LHFPL3: variants seen among roughly 807,000 people sequenced by gnomAD.
The protein encoded by LHFPL3 is LHFPL tetraspan subfamily member 3 protein.
LHFPL3 carries 5 observed loss-of-function variants against 19.3 expected under a neutral mutation model. The ratio of observed to expected loss-of-function variants is 0.26; its 90% CI spans 0.14 to 0.54. The LOEUF (loss-of-function observed/expected upper bound fraction) is 0.54. LHFPL3 is among the 20% of genes least tolerant of loss of function. The pLI, the probability that LHFPL3 is intolerant of heterozygous loss-of-function variation, is 0.94. For missense variants in LHFPL3, 249 were observed against 307.4 expected, an observed-to-expected ratio of 0.81 and a Z score of 1.42; for synonymous variants, 133 against 126.2, an observed-to-expected ratio of 1.05 and a Z score of -0.36.
intron 1 of LHFPL3, among the ~76,000 whole-genome samples, chr7:104,433,389 G>T (rs1433944538): frequency 6.6e-6 from 1 of 152,154 alleles, no homozygotes; most frequent in Admixed American, 6.5e-5. Context: ...GGGCTCTCTG[G>T]AGTCCACTTT....
At chr7:104,666,509 A>ATTTT (rs1315147894) in intron 1 of LHFPL3, among the ~76,000 whole-genome samples, 3 of 44,158 alleles carry the variant, frequency 6.8e-5, no homozygotes, top group Non-Finnish European at 1.4e-4. Flanking sequence ...ACAGGATTTC[A>ATTTT]TTCTTTTTTT....
At chr7:104,756,581 C>G (rs1192068460) in intron 2 of LHFPL3, among the ~76,000 whole-genome samples, 2 of 152,162 alleles carry the variant, frequency 1.3e-5, no homozygotes, top group African/African-American at 4.8e-5. Context: ...CTCACTGCAA[C>G]CTCCACCTCC....
intron 1 of LHFPL3, among the ~76,000 whole-genome samples, chr7:104,578,321 C>T (rs897236332): frequency 3.3e-5 from 5 of 152,168 alleles, no homozygotes; most frequent in Non-Finnish European, 7.3e-5. Flanking sequence ...TTTTCCATCC[C>T]TCTTCAGGAG....
chr7:104,329,328 A>C, intron 1 of LHFPL3, 104 bp downstream of exon 1: 2 of 1,417,842 alleles, frequency 1.4e-6, no homozygotes, highest in Non-Finnish European at 1.9e-6. Flanking sequence ...GCTGCGAGCC[A>C]AGCCGCCTAA....
At chr7:104,409,098 G>A (rs1791482966) in intron 1 of LHFPL3, among the ~76,000 whole-genome samples, 1 of 149,888 alleles carries the variant, frequency 6.7e-6, no homozygotes, top group Admixed American at 6.7e-5. Flanking sequence ...AGATGGTCTC[G>A]GTCTCCTGGC....
chr7:104,901,485 G>C (rs774026737), intron 2 of LHFPL3, among the ~76,000 whole-genome samples: 1 of 152,176 alleles, frequency 6.6e-6, no homozygotes, highest in Non-Finnish European at 1.5e-5. Flanking sequence ...CACGCCTTCT[G>C]ATGAGCAGCA....
At chr7:104,721,098 T>C (rs907352811) in intron 1 of LHFPL3, among the ~76,000 whole-genome samples, 1 of 152,220 alleles carries the variant, frequency 6.6e-6, no homozygotes, top group Non-Finnish European at 1.5e-5. Context: ...TGTATATTTA[T>C]TGTGGCACTA....
intron 1 of LHFPL3, among the ~76,000 whole-genome samples, chr7:104,428,116 G>A (rs41474048): frequency 6.6e-6 from 1 of 152,212 alleles, no homozygotes. Context: ...CAGCCACTTA[G>A]AACATATTCA....
intron 1 of LHFPL3, among the ~76,000 whole-genome samples, chr7:104,726,337 T>TA (rs1793592073): frequency 1.3e-5 from 2 of 151,262 alleles, no homozygotes; most frequent in African/African-American, 2.4e-5. Context: ...AAAGACTATT[T>TA]TTTTTTTTTA....
intron 1 of LHFPL3, among the ~76,000 whole-genome samples, chr7:104,647,237 G>A (rs1791950883): frequency 6.6e-6 from 1 of 152,164 alleles, no homozygotes; most frequent in South Asian, 2.1e-4. Flanking sequence ...ACTCTTGAAA[G>A]CCTCTCCCTT....
intron 1 of LHFPL3, among the ~76,000 whole-genome samples, chr7:104,435,720 C>G (rs1792091515): frequency 6.6e-6 from 1 of 151,874 alleles, no homozygotes; most frequent in Non-Finnish European, 1.5e-5. Flanking sequence ...TTAAGTTCAC[C>G]TCAAGAAAAT....
intron 1 of LHFPL3, among the ~76,000 whole-genome samples, chr7:104,569,306 T>C (rs1790182530): frequency 6.6e-6 from 1 of 152,342 alleles, no homozygotes; most frequent in South Asian, 2.1e-4. Flanking sequence ...CAGGGAAATG[T>C]ATTAGTCATC....
chr7:104,344,898 G>A (rs1674450325), intron 1 of LHFPL3, among the ~76,000 whole-genome samples: 1 of 152,106 alleles, frequency 6.6e-6, no homozygotes, highest in South Asian at 2.1e-4. Flanking sequence ...TACCTAGTTT[G>A]GATAAGAGGG....
intron 1 of LHFPL3, among the ~76,000 whole-genome samples, chr7:104,529,428 G>T (rs757372122): frequency 2.6e-5 from 4 of 152,116 alleles, no homozygotes; most frequent in Admixed American, 1.3e-4. Context: ...GTGCATGACT[G>T]TGCCGTTCCC....
rs145520309 is a variant in LHFPL3, at chr7:104,739,810, G to C, written c.682+2899G>C. On this transcript the variant is annotated intron_variant, in intron 2 of 2. Transcript: ENST00000424859. ...AGGCAATGTCATATCTCAAGACTTG[G>C]CTCAACAGAGCAAAGTATTCATACA... is the stretch of plus-strand genomic sequence containing the variant. Among the ~76,000 whole-genome samples, 228 of 152,264 alleles carry C rather than the reference G, an allele frequency of 1.5e-3. 3 individuals are homozygous for C. The highest frequency in any genetic ancestry group is 6.8e-3 in the Middle Eastern group (2 of 294).
chr7:104,383,206 T>C (rs1584281075), intron 1 of LHFPL3, among the ~76,000 whole-genome samples: 1 of 152,216 alleles, frequency 6.6e-6, no homozygotes, highest in African/African-American at 2.4e-5. Context: ...CTATGAATTA[T>C]GCATGTTTTA....
chr7:104,489,738 A>G (rs188485475), intron 1 of LHFPL3, among the ~76,000 whole-genome samples: 48 of 152,188 alleles, frequency 3.2e-4, no homozygotes, highest in African/African-American at 1.1e-3. Context: ...TGAAAACCGT[A>G]CATGGATGAT....
At chr7:104,862,812 A>G (rs1377378554) in intron 2 of LHFPL3, among the ~76,000 whole-genome samples, 8 of 152,200 alleles carry the variant, frequency 5.3e-5, no homozygotes, top group Admixed American at 5.2e-4. Flanking sequence ...CTGATAAGTA[A>G]CATTCATTCC....
chr7:104,340,643 G>A (rs1789928909), intron 1 of LHFPL3, among the ~76,000 whole-genome samples: 1 of 152,122 alleles, frequency 6.6e-6, no homozygotes, highest in Admixed American at 6.5e-5. Flanking sequence ...TGTGTATGCT[G>A]GATCTACTTT....
Sources: gnomAD v4.1 joint callset for allele counts (sites outside exome capture counted in the v4.1 genomes callset) on GRCh38, gnomAD v4.1.1 for gene constraint, MANE v1.5 for transcripts, NCBI Gene and HGNC (gene_info 2026-07-23, HGNC 2026-07-21) for gene names.